LRIG1: variants seen among roughly 807,000 people sequenced by gnomAD.
The protein encoded by LRIG1 is leucine rich repeats and immunoglobulin like domains 1, also known as leucine-rich repeats and immunoglobulin-like domains protein 1.
A neutral mutation model predicts 99.2 loss-of-function variants in LRIG1; 48 were observed. The observed-to-expected ratio is 0.48, with a 90% CI of 0.38 to 0.62. LRIG1 has a LOEUF of 0.62. LRIG1 is among the 20% of genes least tolerant of loss of function. The pLI, the probability that LRIG1 is intolerant of heterozygous loss-of-function variation, is 0.00. For synonymous variants in LRIG1, 772 were observed against 596.1 expected (o/e 1.29, Z -4.30); for missense variants, 1,646 against 1,434.4 (o/e 1.15, Z -2.38).
chr3:66,467,810 A>G (rs555788650), intron 1 of LRIG1, among the ~76,000 whole-genome samples: 4 of 152,370 alleles, frequency 2.6e-5, no homozygotes, highest in South Asian at 2.1e-4. Context: ...GAATATATCT[A>G]TATCATGAAA....
At chr3:66,418,764 C>T (rs1433708022) in intron 3 of LRIG1, among the ~76,000 whole-genome samples, 1 of 152,178 alleles carries the variant, frequency 6.6e-6, no homozygotes, top group African/African-American at 2.4e-5. Flanking sequence ...CAGGCATAAA[C>T]AAGGACCTCT....
Position 66,381,086 on chromosome 3 carries a change from G to C in LRIG1, c.2771-225C>G, listed in dbSNP as rs931033098. The stretch of plus-strand genomic sequence containing the variant: ...TTTCGTGTTTACAGTGAATTTCATA[G>C]ACAATGTAGTCTTACTGCTTCACGG... On this transcript the variant is annotated intron_variant, in intron 17 of 18. Coordinates refer to ENST00000273261, the MANE Select transcript of LRIG1 (RefSeq NM_015541.3). 5.0e-6 allele frequency: 3 copies of C among 597,348 alleles called. No homozygotes were observed. In the African/African-American group the frequency reaches 5.6e-5, roughly 11 times the overall value. The allele number at this position is 597,348 out of a possible 1,614,324, so 37.0% of individuals were successfully genotyped here.
intron 3 of LRIG1, among the ~76,000 whole-genome samples, chr3:66,420,593 A>G (rs1288589543): frequency 6.6e-6 from 1 of 152,246 alleles, no homozygotes; most frequent in African/African-American, 2.4e-5. Context: ...ATGCAATGAG[A>G]TATTACTCAG....
intron 3 of LRIG1, among the ~76,000 whole-genome samples, chr3:66,446,136 T>G (rs1156344288): frequency 6.6e-6 from 1 of 152,158 alleles, no homozygotes; most frequent in Non-Finnish European, 1.5e-5. Flanking sequence ...GAGGGTTTGC[T>G]AGGTACTCAG....
intron 1 of LRIG1, among the ~76,000 whole-genome samples, chr3:66,471,881 C>A (rs977788157): frequency 8.5e-5 from 13 of 152,182 alleles, no homozygotes; most frequent in Non-Finnish European, 1.8e-4. Context: ...CCTAAAACTT[C>A]CACCTTTACC....
In LRIG1 at chr3:66,462,418, A is replaced by C; in HGVS notation, c.290+20T>G. On this transcript the variant is annotated intron_variant, in intron 2 of 18. Coordinates refer to ENST00000273261, the MANE Select transcript of LRIG1 (RefSeq NM_015541.3). ...AGCTCTCCATCCTTCCATCCACCAGAGGTTTAGGGGGAGACTCACACTTCC... is the reference window on the plus strand; with the variant it reads ...AGCTCTCCATCCTTCCATCCACCAGCGGTTTAGGGGGAGACTCACACTTCC... 3.1e-6 allele frequency: 5 copies of C among 1,593,706 alleles called. No individual in the cohort carries two copies. The highest frequency in any genetic ancestry group is 4.3e-6 in the Non-Finnish European group (5 of 1,162,974).
At chr3:66,477,922 G>A (rs562601396) in intron 1 of LRIG1, among the ~76,000 whole-genome samples, 27 of 151,966 alleles carry the variant, frequency 1.8e-4, no homozygotes, top group Non-Finnish European at 3.1e-4. Context: ...TTGTTGTTTC[G>A]ACCAAAAAAA....
intron 3 of LRIG1, among the ~76,000 whole-genome samples, chr3:66,440,812 T>C (rs1703513198): frequency 1.3e-5 from 2 of 152,298 alleles, no homozygotes; most frequent in East Asian, 3.9e-4. Flanking sequence ...AATATCATTT[T>C]ATGAGTGAGA....
chr3:66,454,000 G>T (rs1405108296), intron 2 of LRIG1, among the ~76,000 whole-genome samples: 1 of 152,122 alleles, frequency 6.6e-6, no homozygotes, highest in African/African-American at 2.4e-5. Flanking sequence ...GAGCATAGAG[G>T]GGTGGTGGAC....
At chr3:66,411,069 TAAG>T (rs1702449226) in intron 6 of LRIG1, among the ~76,000 whole-genome samples, 1 of 152,194 alleles carries the variant, frequency 6.6e-6, no homozygotes, top group African/African-American at 2.4e-5. Flanking sequence ...GGGGTCACTA[TAAG>T]AAGGAAACAA....
intron 3 of LRIG1, among the ~76,000 whole-genome samples, chr3:66,426,120 G>A (rs913650566): frequency 6.6e-6 from 1 of 152,190 alleles, no homozygotes; most frequent in Non-Finnish European, 1.5e-5. Context: ...GGTGGGTCAA[G>A]TGGGTAATTT....
chr3:66,492,706 G>A (rs150657244), intron 1 of LRIG1, among the ~76,000 whole-genome samples: 16 of 151,716 alleles, frequency 1.1e-4, no homozygotes, highest in African/African-American at 3.6e-4. Context: ...GCAGTAATTA[G>A]AACCTGCATC....
chr3:66,410,348 C>A, intron 6 of LRIG1, 76 bp from the exon 7 acceptor site: 1 of 1,418,932 alleles, frequency 7.0e-7, no homozygotes, highest in South Asian at 1.3e-5. Flanking sequence ...TGAGCAGCCA[C>A]GCTGTACCTG....
At chr3:66,453,635 T>C (rs1703979236) in intron 2 of LRIG1, among the ~76,000 whole-genome samples, 1 of 152,214 alleles carries the variant, frequency 6.6e-6, no homozygotes, top group African/African-American at 2.4e-5. Context: ...GTAAGTTCTC[T>C]AGGCCAGTTT....
intron 3 of LRIG1, among the ~76,000 whole-genome samples, chr3:66,444,207 G>A (rs182989298): frequency 1.1e-4 from 16 of 152,232 alleles, no homozygotes; most frequent in African/African-American, 3.6e-4. Flanking sequence ...GGCTGCTCAC[G>A]AAGCGCTCTC....
Position 66,385,944 on chromosome 3 carries a change from G to C in LRIG1, c.1789+37C>G, listed in dbSNP as rs762784124. 3.8e-6 allele frequency: 6 copies of C among 1,570,500 alleles called. No individual in the cohort carries two copies. The South Asian group carries it at 5.8e-5, about 15-fold the overall frequency. On this transcript the variant is annotated intron_variant, in intron 13 of 18. Transcript: ENST00000273261. ...AGGGCAATCAGGAGTGTGCTTTGTA[G>C]GATTCTGGTACTATAACAAAGATGG...
Position 66,459,014 on chromosome 3 carries a change from CAAA to C in LRIG1, c.290+3421_290+3423del, listed in dbSNP as rs11437217. ...GGGAGATAAGAGCGAAACTCCATCT[CAAA>C]AAAAAAAAAAAAAGATAATGTTTTA... On this transcript the variant is annotated intron_variant, in intron 2 of 18. Transcript: ENST00000273261. Among the ~76,000 whole-genome samples, 13 of 121,924 alleles carry C rather than the reference CAAA, an allele frequency of 1.1e-4. No individual in the cohort carries two copies. The South Asian group carries it at 2.8e-3, about 26-fold the overall frequency. 80.0% of individuals were successfully genotyped at this position (121,924 alleles called of 152,430 possible).
At chr3:66,429,712 G>A (rs1413910410) in intron 3 of LRIG1, among the ~76,000 whole-genome samples, 3 of 151,806 alleles carry the variant, frequency 2.0e-5, no homozygotes, top group Non-Finnish European at 4.4e-5. Flanking sequence ...AGTAATAATG[G>A]ATCGATATTG....
chr3:66,468,712 T>C (rs571575703), intron 1 of LRIG1, among the ~76,000 whole-genome samples: 6 of 152,208 alleles, frequency 3.9e-5, no homozygotes, highest in East Asian at 3.9e-4. Context: ...CGTTAAAAAA[T>C]TGCCTGCTTG....
Sources: gnomAD v4.1 joint callset for allele counts (sites outside exome capture counted in the v4.1 genomes callset) on GRCh38, gnomAD v4.1.1 for gene constraint, MANE v1.5 for transcripts, NCBI Gene and HGNC (gene_info 2026-07-23, HGNC 2026-07-21) for gene names.